PALS2: variants seen among roughly 807,000 people sequenced by gnomAD.
PALS2 encodes the protein protein PALS2.
In PALS2, 27 loss-of-function variants were observed where a neutral mutation model predicts 61.6. The observed-to-expected ratio is 0.44, with a 90% CI of 0.32 to 0.60. PALS2 has a LOEUF of 0.60. Among genes scored for constraint, PALS2 ranks in the 20% least tolerant of loss-of-function variants. The pLI is 0.05. For synonymous variants in PALS2, 236 were observed against 218.6 expected, an observed-to-expected ratio of 1.08 and a Z score of -0.70; for missense variants, 554 against 639.4, an observed-to-expected ratio of 0.87 and a Z score of 1.44.
At chr7:24,641,342 T>G (rs549110358) in intron 2 of PALS2, among the ~76,000 whole-genome samples, 1 of 152,232 alleles carries the variant, frequency 6.6e-6, no homozygotes, top group South Asian at 2.1e-4. Context: ...ATCATTTATT[T>G]TAATAAAATG....
chr7:24,607,259 A>G (rs1783934259), intron 1 of PALS2, among the ~76,000 whole-genome samples: 1 of 152,156 alleles, frequency 6.6e-6, no homozygotes, highest in Admixed American at 6.6e-5. Context: ...ACATGTCCTC[A>G]GCATTTATAC....
At chr7:24,617,570 C>G (rs1784337347) in intron 1 of PALS2, among the ~76,000 whole-genome samples, 1 of 152,122 alleles carries the variant, frequency 6.6e-6, no homozygotes, top group Non-Finnish European at 1.5e-5. Context: ...GGTGCATTCA[C>G]TTTGTTTTTA....
intron 1 of PALS2, among the ~76,000 whole-genome samples, chr7:24,593,311 C>T (rs966066049): frequency 1.3e-5 from 2 of 152,096 alleles, no homozygotes; most frequent in African/African-American, 4.8e-5. Context: ...GTGACTTACC[C>T]ACTGAAGTCT....
Position 24,690,752 on chromosome 7 carries a change from CTTTG to C in PALS2, c.*3142_*3145del, listed in dbSNP as rs1263725135. 6.6e-6 allele frequency: 1 copy of C among 152,098 alleles called. No individual in the cohort carries two copies. Among genetic ancestry groups the C allele is most frequent in the East Asian group, 1.9e-4 (1 of 5,194 alleles). 9.4% of individuals were successfully genotyped at this position (152,098 alleles called of 1,614,324 possible). A position where few individuals can be genotyped will look rare whatever the true frequency, so the allele number is the denominator to read the frequency against. The stretch of plus-strand genomic sequence containing the variant: ...ATATCACATGTCAAATACATCAGGA[CTTTG>C]TTTATTTTGGCTAACTCTAACTATA... On this transcript the variant is annotated 3_prime_UTR_variant, in exon 12 of 12. Transcript: ENST00000222644.
intron 9 of PALS2, among the ~76,000 whole-genome samples, chr7:24,676,605 G>T (rs1049998910): frequency 1.3e-5 from 2 of 152,094 alleles, no homozygotes; most frequent in East Asian, 3.9e-4. Context: ...GCTAGCCAGT[G>T]GTCCCAGCAC....
intron 9 of PALS2, among the ~76,000 whole-genome samples, chr7:24,676,522 G>A (rs1359255189): frequency 6.6e-6 from 1 of 152,202 alleles, no homozygotes; most frequent in African/African-American, 2.4e-5. Context: ...TAACGTTTAA[G>A]TCTTTAATCC....
At chr7:24,675,341 G>T (rs1787508301) in intron 9 of PALS2, among the ~76,000 whole-genome samples, 2 of 151,030 alleles carry the variant, frequency 1.3e-5, no homozygotes, top group Admixed American at 1.3e-4. Context: ...GGAGTTACAA[G>T]TTGCCTTAGA....
At chr7:24,651,532 CATA>C (rs1265016245) in intron 5 of PALS2, among the ~76,000 whole-genome samples, 3 of 152,280 alleles carry the variant, frequency 2.0e-5, no homozygotes, top group East Asian at 3.9e-4. Flanking sequence ...ACACCTGGCA[CATA>C]ATGAGTGCTC....
In PALS2 at chr7:24,618,570, C is replaced by T. The variant is rs1784377987; in HGVS notation, c.-2-5096C>T. ...GCTGTGTGAATTCACAGCAGCTCCC[C>T]AAACTGGGCTCAGGGCTTGCAAGGA... On this transcript the variant is annotated intron_variant, in intron 1 of 11. Coordinates refer to ENST00000222644, the MANE Select transcript of PALS2 (RefSeq NM_001303037.2). The surrounding 1 kb of genome is among the most constrained non-coding windows in gnomAD (Gnocchi z 5.1). Among the ~76,000 whole-genome samples, 1 of 152,208 alleles carries T rather than the reference C, an allele frequency of 6.6e-6. No individual in the cohort carries two copies. Among genetic ancestry groups the T allele is most frequent in the African/African-American group, 2.4e-5 (1 of 41,460 alleles).
In PALS2 at chr7:24,671,578, C is replaced by T. The variant is rs560157186; in HGVS notation, c.1114+2918C>T. On this transcript the variant is annotated intron_variant, in intron 9 of 11. Transcript: ENST00000222644. The stretch of plus-strand genomic sequence containing the variant: ...CTTTTGTTGCTCATGCTTTTCATAT[C>T]GTATCAAGTATGGTACCATATCAAG... Among the ~76,000 whole-genome samples the T allele has an allele frequency of 4.6e-5, 7 of 152,156 alleles. No individual in the cohort carries two copies. In the South Asian group the frequency reaches 1.5e-3, roughly 32 times the overall value.
chr7:24,630,082 G>C (rs1784930976), intron 2 of PALS2, among the ~76,000 whole-genome samples: 1 of 152,110 alleles, frequency 6.6e-6, no homozygotes, highest in Non-Finnish European at 1.5e-5. Flanking sequence ...CAACCCAAAT[G>C]CCCATCAATG....
chr7:24,684,116 GT>G (rs1788075420), intron 11 of PALS2, among the ~76,000 whole-genome samples: 1 of 151,592 alleles, frequency 6.6e-6, no homozygotes, highest in Non-Finnish European at 1.5e-5. Flanking sequence ...TCACTATGGG[GT>G]TTTTTTGTTT....
chr7:24,691,405 G>GTGTGTACATATA lies in PALS2; in HGVS notation c.*3792_*3793insGTGTACATATAT, dbSNP rs1274329385. ...ATATTATGTATGTGTGTGTGTGTGT[G>GTGTGTACATATA]TATATATATATATATATATATATAT... On this transcript the variant is annotated 3_prime_UTR_variant, in exon 12 of 12. Transcript: ENST00000222644. 9.0e-6 allele frequency: 1 copy of GTGTGTACATATA among 110,596 alleles called. No homozygotes were observed. Among genetic ancestry groups the GTGTGTACATATA allele is most frequent in the Non-Finnish European group, 1.9e-5 (1 of 52,308 alleles). The allele number at this position is 110,596 out of a possible 1,614,324, so 6.9% of individuals were successfully genotyped here.
At chr7:24,686,223 G>T (rs927881267) in intron 11 of PALS2, among the ~76,000 whole-genome samples, 1 of 152,100 alleles carries the variant, frequency 6.6e-6, no homozygotes, top group Non-Finnish European at 1.5e-5. Context: ...TTACAGTCTG[G>T]TGTCATTTTC....
intron 5 of PALS2, among the ~76,000 whole-genome samples, chr7:24,656,750 T>C (rs1230642401): frequency 6.6e-6 from 1 of 152,120 alleles, no homozygotes; most frequent in Non-Finnish European, 1.5e-5. Flanking sequence ...CTAGGCTGTC[T>C]TGAACTCCTG....
intron 1 of PALS2, among the ~76,000 whole-genome samples, chr7:24,604,624 A>G (rs1219836515): frequency 6.6e-6 from 1 of 152,218 alleles, no homozygotes; most frequent in Non-Finnish European, 1.5e-5. Context: ...CTGGTAGAAA[A>G]TAAAACTTAA....
In PALS2 at chr7:24,649,767, G is replaced by A; in HGVS notation, c.423+3G>A. Reference sequence around the variant, plus strand: ...ACAAAAGAGCTGGGGAACCACTGGTGAGTACAGATAAATCAGTACCCTATT... The same window carrying A: ...ACAAAAGAGCTGGGGAACCACTGGTAAGTACAGATAAATCAGTACCCTATT... On this transcript the variant is annotated splice_donor_region_variant and intron_variant, in intron 4 of 11. Transcript: ENST00000222644. 2 of 1,599,988 alleles carry A rather than the reference G, an allele frequency of 1.3e-6. No individual in the cohort carries two copies. Among genetic ancestry groups the A allele is most frequent in the Non-Finnish European group, 1.7e-6 (2 of 1,173,124 alleles).
At chr7:24,644,938 A>T (rs974919118) in intron 3 of PALS2, among the ~76,000 whole-genome samples, 2 of 152,054 alleles carry the variant, frequency 1.3e-5, no homozygotes, top group African/African-American at 4.8e-5. Flanking sequence ...GGCCACATGT[A>T]TGTCTTCTTT....
chr7:24,618,738 C>T lies in PALS2; in HGVS notation c.-2-4928C>T, dbSNP rs1181993660. Among the ~76,000 whole-genome samples, 3 of 152,224 alleles carry T rather than the reference C, an allele frequency of 2.0e-5. 1 individual carries two copies. The South Asian group carries it at 6.2e-4, about 32-fold the overall frequency. On this transcript the variant is annotated intron_variant, in intron 1 of 11. Transcript: ENST00000222644. The surrounding 1 kb of genome is among the most constrained non-coding windows in gnomAD (Gnocchi z 5.1). ...TTCTGACTCTGGGCCATTCCAGGCT[C>T]GGAGGATGGGATGGCAGAGGCAGGA...
Sources: allele counts gnomAD v4.1 joint callset (sites outside exome capture counted in the v4.1 genomes callset), GRCh38; gene constraint gnomAD v4.1.1; non-coding constraint Gnocchi (gnomAD v3.1); transcripts MANE v1.5; gene names NCBI Gene and HGNC (gene_info 2026-07-23, HGNC 2026-07-21).